The following NBEAL2 variants were observed in gnomAD, a reference collection of about 807,000 sequenced individuals.
The protein encoded by NBEAL2 is neurobeachin-like protein 2.
A neutral mutation model predicts 299.8 loss-of-function variants in NBEAL2; 160 were observed. That is an observed-to-expected ratio of 0.53 (90% confidence interval 0.47 to 0.61). The LOEUF is 0.61. Among genes scored for constraint, NBEAL2 ranks in the 20% least tolerant of loss-of-function variants. The pLI is 0.00. For missense variants in NBEAL2, 3,112 were observed against 3,649.0 expected, an observed-to-expected ratio of 0.85 and a Z score of 3.79; for synonymous variants, 1,493 against 1,542.3, an observed-to-expected ratio of 0.97 and a Z score of 0.75.
At chr3:46,983,312 T>TG (rs2035476540) in intron 1 of NBEAL2, among the ~76,000 whole-genome samples, 1 of 1,740 alleles carries the variant, frequency 5.7e-4, no homozygotes, top group Non-Finnish European at 7.0e-3. Context: ...GTCATATTCC[T>TG]TTTTTTTTTT....
Position 47,003,155 on chromosome 3 carries a change from T to A in NBEAL2, c.5585-19T>A, listed in dbSNP as rs754377101. Reference sequence around the variant, plus strand: ...CCTGTCCTGCCTTGCTTCTGCTGAGTACCCTTGGCCCCTTGCAGGTGAGGT... The same window carrying A: ...CCTGTCCTGCCTTGCTTCTGCTGAGAACCCTTGGCCCCTTGCAGGTGAGGT... On this transcript the variant is annotated intron_variant, in intron 34 of 53. Coordinates refer to ENST00000450053, the MANE Select transcript of NBEAL2 (RefSeq NM_015175.3). This position sits in a 1 kb window ranked among gnomAD's most constrained non-coding sequence, Gnocchi z 7.0. 1 of 1,606,966 alleles carries A rather than the reference T, an allele frequency of 6.2e-7. No homozygotes were observed. Among genetic ancestry groups the A allele is most frequent in the South Asian group, 1.1e-5 (1 of 90,780 alleles).
At chr3:47,008,955 T>G in intron 52 of NBEAL2, 34 bp from the exon 53 acceptor site, 1 of 1,598,284 alleles carries the variant, frequency 6.3e-7, no homozygotes, top group Non-Finnish European at 8.5e-7. Flanking sequence ...CCCCTTGCAG[T>G]CGCAAGTTGG....
At chr3:46,985,046 G>A (rs1409990742) in intron 1 of NBEAL2, among the ~76,000 whole-genome samples, 1 of 152,204 alleles carries the variant, frequency 6.6e-6, no homozygotes, top group African/African-American at 2.4e-5. Flanking sequence ...GATTCGGTTG[G>A]TGAGAGGCAC....
At chr3:46,995,689 A>T in intron 13 of NBEAL2, 25 bp from the exon 14 acceptor site, 1 of 1,611,988 alleles carries the variant, frequency 6.2e-7, no homozygotes, top group Non-Finnish European at 8.5e-7. Context: ...GAACAAGCAG[A>T]CATAACTGGC....
rs904080893 is a variant in NBEAL2 at position 46,996,853 on chromosome 3, G to C, written c.2556+20G>C. ...CCTCAGGTATTTGGGGGCCCCAGGG[G>C]AGTGGTTGGCTCGACTGTGCTACTT... On this transcript the variant is annotated intron_variant, in intron 17 of 53. Coordinates refer to ENST00000450053, the MANE Select transcript of NBEAL2 (RefSeq NM_015175.3). 3 of 1,612,158 alleles carry C rather than the reference G, an allele frequency of 1.9e-6. No homozygotes were observed. The highest frequency in any genetic ancestry group is 1.7e-6 in the Non-Finnish European group (2 of 1,179,436).
At chr3:47,002,894 C>A in intron 33 of NBEAL2, 63 bp from the exon 34 acceptor site, 1 of 1,590,512 alleles carries the variant, frequency 6.3e-7, no homozygotes, top group Non-Finnish European at 8.6e-7. Context: ...TGGGGTGAGG[C>A]CAGGGAGGGA....
chr3:47,000,149 C>A lies in NBEAL2; in HGVS notation c.4050C>A (p.Ser1350=), dbSNP rs757071449. 6.2e-7 allele frequency: 1 copy of A among 1,613,744 alleles called. No individual in the cohort carries two copies. Among genetic ancestry groups the A allele is most frequent in the African/African-American group, 1.3e-5 (1 of 74,914 alleles). Residue 1350 remains serine, a synonymous_variant, in exon 27 of 54, where the codon TCC becomes TCA. Coordinates refer to ENST00000450053, the MANE Select transcript of NBEAL2 (RefSeq NM_015175.3). This position sits in a 1 kb window ranked among gnomAD's most constrained non-coding sequence, Gnocchi z 4.5. ...CTGATGGCTTTTACCATGCTCTCTC[C>A]CCATTCTGCACGCCCTTTGACCTGG... The part of the protein sequence containing the change: ...PDPDGFYHAL[S]PFCTPFDLGL...
At position 46,997,319 on chromosome 3, in the gene NBEAL2, G is replaced by A; in HGVS notation, c.2710G>A (p.Ala904Thr). ...GCTGCCCCTGCTGGAGCGAGTAGCT[G>A]CACAGCCCAAAGAGGCTGAAGCAGG... is the stretch of plus-strand genomic sequence containing the variant. ...ALLPLLERVAAQPKEAEAGPA... is the reference protein window; with the variant it reads ...ALLPLLERVATQPKEAEAGPA... The change falls in exon 19 of 54, where the codon GCA (alanine) becomes ACA (threonine). Residue 904 changes from alanine (A) to threonine (T), a missense_variant. Physicochemically the swap from Ala to Thr is moderately conservative, Grantham distance 58. Around this residue, in one of 3 missense-constraint regions of NBEAL2, gnomAD observed 2,243 missense variants for 2,538.1 expected, o/e 0.88. Transcript: ENST00000450053. 1 of 1,612,990 alleles carries A rather than the reference G, an allele frequency of 6.2e-7. No individual in the cohort carries two copies.
At chr3:46,980,634 C>T (rs1472449122) in intron 1 of NBEAL2, among the ~76,000 whole-genome samples, 1 of 152,072 alleles carries the variant, frequency 6.6e-6, no homozygotes, top group African/African-American at 2.4e-5. Context: ...GGAGGGAGGC[C>T]CGTTCCTCCT....
rs2035946889 is a variant in NBEAL2, at chr3:46,989,669, A to G, written c.556+76A>G. ...CTTCCTGTCGTTCCTTGATCCTGCC[A>G]TACACAGGAACCACTTGGTGGTGGC... On this transcript the variant is annotated intron_variant, in intron 6 of 53. Transcript: ENST00000450053. The surrounding 1 kb of genome is among the most constrained non-coding windows in gnomAD (Gnocchi z 5.5). 2.3e-6 allele frequency: 3 copies of G among 1,306,348 alleles called. No homozygotes were observed. Among genetic ancestry groups the G allele is most frequent in the African/African-American group, 1.5e-5 (1 of 66,076 alleles). 80.9% of individuals were successfully genotyped at this position (1,306,348 alleles called of 1,614,324 possible).
In NBEAL2 at chr3:46,999,536, C is replaced by G. The variant is rs558429576; in HGVS notation, c.3703+62C>G. The G allele has an allele frequency of 8.8e-6, 14 of 1,586,548 alleles. No individual in the cohort carries two copies. The East Asian group carries it at 3.2e-4, about 37-fold the overall frequency. On this transcript the variant is annotated intron_variant, in intron 25 of 53. Transcript: ENST00000450053. ...TGTCAGAAAAACAGGGCAGGCAGGC[C>G]GGAAGAAGGAAGATAGTGGCATAGG...
chr3:46,998,272 G>A, intron 21 of NBEAL2, 46 bp downstream of exon 21: 1 of 1,585,902 alleles, frequency 6.3e-7, no homozygotes, highest in Non-Finnish European at 8.6e-7. Context: ...GGGCAGCTGA[G>A]CACTGAGAAG....
chr3:46,995,943 T>C lies in NBEAL2; in HGVS notation c.2043T>C (p.Ala681=), dbSNP rs1320278931. 3 of 1,613,304 alleles carry C rather than the reference T, an allele frequency of 1.9e-6. No individual in the cohort carries two copies. The African/African-American group carries it at 4.0e-5, about 22-fold the overall frequency. Residue 681 remains alanine, a synonymous_variant, in exon 15 of 54, where the codon GCT becomes GCC. Coordinates refer to ENST00000450053, the MANE Select transcript of NBEAL2 (RefSeq NM_015175.3). ...SFADSAWHCV[A]IVHVPGRRPF... is the part of the protein sequence containing the mutation. ...GGCTTCTGTTCTAGCACTGCGTGGC[T>C]ATCGTCCATGTGCCTGGGCGCCGGC...
rs1271189780 is a variant in NBEAL2 at position 46,995,020 on chromosome 3, C to T, written c.1297-12C>T. 4 of 1,531,006 alleles carry T rather than the reference C, an allele frequency of 2.6e-6. No individual in the cohort carries two copies. The highest frequency in any genetic ancestry group is 8.8e-7 in the Non-Finnish European group (1 of 1,130,516). The allele number at this position is 1,531,006 out of a possible 1,614,324, so 94.8% of individuals were successfully genotyped here. A position where few individuals can be genotyped will look rare whatever the true frequency, so the allele number is the denominator to read the frequency against. On this transcript the variant is annotated splice_polypyrimidine_tract_variant and intron_variant, in intron 12 of 53. Coordinates refer to ENST00000450053, the MANE Select transcript of NBEAL2 (RefSeq NM_015175.3). ...ACAGCTGACCAGGGACTGTCATTCTCTCCACCCACAGGCTGTGGAGGGTGA... is the reference window on the plus strand; with the variant it reads ...ACAGCTGACCAGGGACTGTCATTCTTTCCACCCACAGGCTGTGGAGGGTGA...
chr3:46,999,967 C>T lies in NBEAL2; in HGVS notation c.3868C>T (p.Arg1290Trp), dbSNP rs1330626921. The change falls in exon 27 of 54, where the codon CGG (arginine) becomes TGG (tryptophan). Residue 1290 changes from arginine (R) to tryptophan (W), a missense_variant. By Grantham distance (101) the Arg-to-Trp change is moderately radical. This residue lies in a region of NBEAL2 where 2,243 missense variants were observed against 2,538.1 expected (regional missense o/e 0.88). Transcript: ENST00000450053. ...GGCTGGCTGGCAAGATGTGCTGACCCGGCTATATGTCCTGGAGGCTGCCAC... is the reference window on the plus strand; with the variant it reads ...GGCTGGCTGGCAAGATGTGCTGACCTGGCTATATGTCCTGGAGGCTGCCAC... ...RQAGWQDVLT[R>W]LYVLEAATAG... is the part of the protein sequence containing the mutation. 6.2e-6 allele frequency: 10 copies of T among 1,612,024 alleles called. No homozygotes were observed. The highest frequency in any genetic ancestry group is 2.2e-5 in the East Asian group (1 of 44,878).
Position 46,998,849 on chromosome 3 carries a change from CT to C in NBEAL2, c.3359del (p.Leu1120TrpfsTer47). ...TGCAGGTCACGCAGACCATGCTGAG[CT>C]TTTTGGCGGCCACAGGCGATGACGG... ...DVQVTQTMLSFLAATGDDGQA... is the reference protein window; with the variant it reads ...DVQVTQTMLSXLAATGDDGQA... On this transcript the variant is annotated frameshift_variant, in exon 23 of 54. Transcript: ENST00000450053. LOFTEE classifies it high-confidence loss of function. 2.5e-6 allele frequency: 4 copies of C among 1,585,210 alleles called. No individual in the cohort carries two copies. The highest frequency in any genetic ancestry group is 2.3e-5 in the East Asian group (1 of 43,456).
rs1443369956 is a variant in NBEAL2, at chr3:47,005,997, G to C, written c.6853G>C (p.Gly2285Arg). 1 of 1,613,750 alleles carries C rather than the reference G, an allele frequency of 6.2e-7. No individual in the cohort carries two copies. Among genetic ancestry groups the C allele is most frequent in the Admixed American group, 1.7e-5 (1 of 60,028 alleles). ...HLHEWIDLIFGYKQRGPAAEE... is the reference protein window; with the variant it reads ...HLHEWIDLIFRYKQRGPAAEE... ...ACACGAGTGGATCGACCTCATCTTT[G>C]GCTACAAGCAGCGGGGGCCAGCCGC... Residue 2285 changes from glycine to arginine, a missense_variant, in exon 43 of 54, where the codon GGC (glycine) becomes CGC (arginine). Physicochemically the swap from Gly to Arg is moderately radical, Grantham distance 125. Transcript: ENST00000450053.
Position 46,995,650 on chromosome 3 carries a change from G to T in NBEAL2, c.1898+17G>T, listed in dbSNP as rs757119234. The T allele has an allele frequency of 6.2e-7, 1 of 1,608,980 alleles. No individual in the cohort carries two copies. The highest frequency in any genetic ancestry group is 8.5e-7 in the Non-Finnish European group (1 of 1,176,720). On this transcript the variant is annotated intron_variant, in intron 13 of 53. Transcript: ENST00000450053. Reference sequence around the variant, plus strand: ...GCTGTACAGGTGGGTGACTGCCAGGGGCCAGGGACCTCCTGCCAGGGTGAG... The same window carrying T: ...GCTGTACAGGTGGGTGACTGCCAGGTGCCAGGGACCTCCTGCCAGGGTGAG...
chr3:47,006,200 G>C lies in NBEAL2; in HGVS notation c.6955G>C (p.Glu2319Gln). 1 of 1,613,930 alleles carries C rather than the reference G, an allele frequency of 6.2e-7. No individual in the cohort carries two copies. Residue 2319 changes from glutamate (E) to glutamine (Q), a missense_variant, in exon 44 of 54, where the codon GAA becomes CAA. Physicochemically the swap from Glu to Gln is conservative, Grantham distance 29 (BLOSUM62 2). Transcript: ENST00000450053. ...VDLDHVTDERERKALEGIISN... is the reference protein window; with the variant it reads ...VDLDHVTDERQRKALEGIISN... ...CCTGGACCATGTGACAGATGAGCGG[G>C]AACGGAAGGCTCTGGAGGGCATTAT...
Sources: gnomAD v4.1 joint callset for allele counts (sites outside exome capture counted in the v4.1 genomes callset) on GRCh38, gnomAD v4.1.1 for gene constraint, gnomAD v4.1.1 regional missense constraint, Gnocchi (gnomAD v3.1) non-coding constraint, MANE v1.5 for transcripts, NCBI Gene and HGNC (gene_info 2026-07-23, HGNC 2026-07-21) for gene names.